ANK1: variants seen among roughly 807,000 people sequenced by gnomAD.
ANK1 encodes the protein ankyrin-1.
In ANK1, 51 loss-of-function variants were observed where a neutral mutation model predicts 210.4. The ratio of observed to expected loss-of-function variants is 0.24; its 90% confidence interval spans 0.19 to 0.31. The LOEUF is 0.31. Ranked by LOEUF, ANK1 falls within the 10% of genes least tolerant of loss-of-function variation. ANK1 has a pLI of 1.00. For missense variants in ANK1, 2,051 were observed against 2,504.4 expected (o/e 0.82, Z 3.86); for synonymous variants, 967 against 1,025.9 (o/e 0.94, Z 1.10).
intron 1 of ANK1, among the ~76,000 whole-genome samples, chr8:41,862,805 T>A (rs913136828): frequency 6.7e-6 from 1 of 150,172 alleles, no homozygotes. Context: ...AGGCCAGGAG[T>A]TCAGGACCAG....
intron 38 of ANK1, among the ~76,000 whole-genome samples, chr8:41,670,549 T>C (rs1359190843): frequency 6.6e-6 from 1 of 152,236 alleles, no homozygotes; most frequent in Non-Finnish European, 1.5e-5. Context: ...AAGCTCCATC[T>C]GTTCAATCCT....
At chr8:41,666,232 T>C (rs1414162987) in intron 39 of ANK1, among the ~76,000 whole-genome samples, 2 of 143,240 alleles carry the variant, frequency 1.4e-5, no homozygotes, top group Admixed American at 7.1e-5. Flanking sequence ...TGAATGATAA[T>C]GGCAAACGCT....
chr8:41,838,689 C>T (rs569151837), intron 1 of ANK1, among the ~76,000 whole-genome samples: 2 of 151,874 alleles, frequency 1.3e-5, no homozygotes, highest in South Asian at 2.1e-4. Context: ...CGCTTGAACC[C>T]GGGAGGCAGA....
At chr8:41,692,545 C>T (rs767450397) in intron 31 of ANK1, 103 bp downstream of exon 31, 186 of 1,176,870 alleles carry the variant, frequency 1.6e-4, no homozygotes, top group Non-Finnish European at 2.0e-4. Flanking sequence ...TGGAGCCCCT[C>T]GTCTACAGAG....
intron 1 of ANK1, among the ~76,000 whole-genome samples, chr8:41,758,684 C>T (rs1368811489): frequency 6.6e-6 from 1 of 151,936 alleles, no homozygotes; most frequent in Non-Finnish European, 1.5e-5. Flanking sequence ...GGCTTGGACT[C>T]AGGAAGAATC....
At chr8:41,702,991 T>C (rs1235828002) in intron 20 of ANK1, among the ~76,000 whole-genome samples, 1 of 151,946 alleles carries the variant, frequency 6.6e-6, no homozygotes, top group African/African-American at 2.4e-5. Flanking sequence ...AGCTAATTTT[T>C]TTTTTTGTAT....
chr8:41,807,458 C>T (rs917857296), intron 1 of ANK1, among the ~76,000 whole-genome samples: 9 of 152,178 alleles, frequency 5.9e-5, no homozygotes, highest in African/African-American at 2.2e-4. Context: ...GTCCGTACTG[C>T]CCTGTCTGTC....
rs564598163 is a variant in ANK1 at position 41,827,890 on chromosome 8, C to CCA, written c.126+68463_126+68464dup. 2.3e-3 allele frequency among the ~76,000 whole-genome samples: 339 copies of CCA among 150,362 alleles called. 3 individuals are homozygous for CCA. The highest frequency in any genetic ancestry group is 7.8e-3 in the African/African-American group (319 of 40,672). On this transcript the variant is annotated intron_variant, in intron 1 of 42. Transcript: ENST00000265709. ...ACACACCCCACACACATGCTCACGCCCACACATGCACACTCACGTGCACAC... is the reference window on the plus strand; with the variant it reads ...ACACACCCCACACACATGCTCACGCCCACACACATGCACACTCACGTGCACAC...
intron 1 of ANK1, among the ~76,000 whole-genome samples, chr8:41,885,524 C>G (rs897400780): frequency 6.6e-6 from 1 of 152,226 alleles, no homozygotes; most frequent in African/African-American, 2.4e-5. Flanking sequence ...TGTCGGCGGA[C>G]AGGCCCTGGG....
chr8:41,725,432 C>G (rs1830432753), intron 6 of ANK1, among the ~76,000 whole-genome samples: 1 of 152,100 alleles, frequency 6.6e-6, no homozygotes, highest in Non-Finnish European at 1.5e-5. Context: ...TACGGGGCAG[C>G]CGGGGAGGAG....
At chr8:41,706,297 A>G (rs992926406) in intron 17 of ANK1, 56 bp from the exon 18 acceptor site, 37 of 1,508,396 alleles carry the variant, frequency 2.5e-5, no homozygotes, top group Admixed American at 3.7e-5. Context: ...CCAGGCCACA[A>G]GTAAAGAGCT....
intron 2 of ANK1, among the ~76,000 whole-genome samples, chr8:41,755,586 A>G (rs1838928263): frequency 6.6e-6 from 1 of 152,208 alleles, no homozygotes; most frequent in Non-Finnish European, 1.5e-5. Flanking sequence ...GGAGAGAGCG[A>G]GCAACCCACC....
intron 1 of ANK1, chr8:41,829,043 CG>C (rs1439191054): frequency 2.6e-5 from 4 of 152,270 alleles, no homozygotes; most frequent in African/African-American, 4.8e-5. Context: ...CCTAGTCTCG[CG>C]TCTAGACCGG....
chr8:41,868,773 T>C (rs1371333337), intron 1 of ANK1, among the ~76,000 whole-genome samples: 1 of 152,152 alleles, frequency 6.6e-6, no homozygotes, highest in African/African-American at 2.4e-5. Context: ...TAAAAGAGCT[T>C]AGAAATTTTC....
chr8:41,738,406 T>C (rs1329256890), intron 2 of ANK1, among the ~76,000 whole-genome samples: 2 of 152,180 alleles, frequency 1.3e-5, no homozygotes, highest in Non-Finnish European at 2.9e-5. Flanking sequence ...GTCACCACCA[T>C]CTAGCAGCGG....
At chr8:41,894,705 G>A in intron 1 of ANK1, among the ~76,000 whole-genome samples, 1 of 152,204 alleles carries the variant, frequency 6.6e-6, no homozygotes, top group South Asian at 2.1e-4. Context: ...GGCAGGAATG[G>A]AAACACAGAG....
At chr8:41,830,803 A>G (rs905643772) in intron 1 of ANK1, among the ~76,000 whole-genome samples, 1 of 152,216 alleles carries the variant, frequency 6.6e-6, no homozygotes, top group Non-Finnish European at 1.5e-5. Flanking sequence ...TAGATGAATC[A>G]TTGAAGAATA....
intron 1 of ANK1, among the ~76,000 whole-genome samples, chr8:41,889,116 T>C (rs6474372): frequency 0.63 from 96,135 of 152,172 alleles, 32,300 homozygotes; most frequent in African/African-American, 0.87. Flanking sequence ...GTGGGATTAC[T>C]GGCATGAGTC....
intron 1 of ANK1, among the ~76,000 whole-genome samples, chr8:41,881,200 A>T (rs1042473737): frequency 6.6e-6 from 1 of 152,226 alleles, no homozygotes; most frequent in Non-Finnish European, 1.5e-5. Context: ...AGTCTAGTCC[A>T]GACTAGAAGC....
Sources: gnomAD v4.1 joint callset for allele counts (sites outside exome capture counted in the v4.1 genomes callset) on GRCh38, gnomAD v4.1.1 for gene constraint, MANE v1.5 for transcripts, NCBI Gene and HGNC (gene_info 2026-07-23, HGNC 2026-07-21) for gene names.